Variants in NRL observed in about 807,000 individuals in gnomAD.
NRL encodes the protein neural retina-specific leucine zipper protein.
In NRL, 16 loss-of-function variants were observed where a neutral mutation model predicts 12.5. The ratio of observed to expected loss-of-function variants is 1.28; its 90% confidence interval spans 0.87 to 1.95. NRL has a LOEUF of 1.95. NRL is among the 30% of genes most tolerant of loss of function. The probability of loss-of-function intolerance (pLI) is 0.00; values close to 1 mark genes in which losing one functional copy is unlikely to be tolerated. For synonymous variants in NRL, 142 were observed against 150.9 expected (o/e 0.94, Z 0.43); for missense variants, 314 against 325.8 (o/e 0.96, Z 0.28).
chr14:24,097,221 C>T, intron 1 of NRL: 1 of 1,254,580 alleles, frequency 8.0e-7, no homozygotes. Context: ...TTAACTAGAA[C>T]ATCCCAATGG....
At chr14:24,106,135 G>A (rs981568130) in intron 1 of NRL, among the ~76,000 whole-genome samples, 2 of 152,174 alleles carry the variant, frequency 1.3e-5, no homozygotes, top group African/African-American at 2.4e-5. Flanking sequence ...GAGTAATCAG[G>A]AAAACAGTGC....
rs760600732 is a variant in NRL, at chr14:24,082,475, T to G, written c.374A>C (p.His125Pro). The G allele has an allele frequency of 5.6e-6, 9 of 1,612,542 alleles. No homozygotes were observed. The highest frequency in any genetic ancestry group is 7.6e-6 in the Non-Finnish European group (9 of 1,180,020). ...PGSPEETGAQ[H>P]VQLAERFSDA... The stretch of plus-strand genomic sequence containing the variant: ...AGCTTGCTGACCACTCACCTGGACG[T>G]GCTGGGCTCCTGTCTCCTCTGGGCT... Residue 125 changes from histidine (H) to proline (P), a missense_variant, in exon 2 of 3, where the codon CAC (histidine) becomes CCC (proline). Physicochemically the swap from His to Pro is moderately conservative, Grantham distance 77 (BLOSUM62 -2). Coordinates refer to ENST00000561028, the MANE Select transcript of NRL (RefSeq NM_001354768.3).
chr14:24,084,787 G>T, intron 1 of NRL: 2 of 851,214 alleles, frequency 2.3e-6, no homozygotes, highest in Non-Finnish European at 1.4e-6. Context: ...GTACAAGTGT[G>T]CTTATTCTCA....
rs201256212 is a variant in NRL, at chr14:24,082,747, G to A, written c.102C>T (p.Pro34=). The change falls in exon 2 of 3, where the codon CCC becomes CCT. Residue 34 remains proline, a synonymous_variant. Coordinates refer to ENST00000561028, the MANE Select transcript of NRL (RefSeq NM_001354768.3). The part of the protein sequence containing the change: ...KREPSEGRPG[P]PTASLGSTPY... ...GTGTGGAGCCCAGTGAGGCTGTAGG[G>A]GGGCCAGGTCGGCCCTCAGAGGGTT... 7.4e-6 allele frequency: 12 copies of A among 1,614,212 alleles called. No individual in the cohort carries two copies. The Middle Eastern group carries it at 1.2e-3, about 155-fold the overall frequency.
At chr14:24,082,338 C>A (rs937179831) in intron 2 of NRL, 130 bp downstream of exon 2, 7 of 1,140,626 alleles carry the variant, frequency 6.1e-6, no homozygotes, top group Admixed American at 6.1e-5. Context: ...TTTCAAGGGA[C>A]CTTCTCCCCT....
intron 1 of NRL, chr14:24,103,766 G>A: frequency 6.2e-7 from 1 of 1,614,188 alleles, no homozygotes; most frequent in Non-Finnish European, 8.5e-7. Context: ...CCATTGGGCT[G>A]GTGCCAAAGG....
At chr14:24,093,243 GCT>G (rs2036691440) in intron 1 of NRL, 1 of 152,296 alleles carries the variant, frequency 6.6e-6, no homozygotes, top group Non-Finnish European at 1.5e-5. Context: ...AGTTTGAGGT[GCT>G]ATATAGCATT....
intron 1 of NRL, among the ~76,000 whole-genome samples, chr14:24,088,882 G>A (rs111430967): frequency 0.022 from 3,172 of 144,360 alleles, 46 homozygotes; most frequent in East Asian, 0.069. Flanking sequence ...CTTGGCTGAC[G>A]GCAAGCTCCG....
At chr14:24,097,034 G>A in intron 1 of NRL, 1 of 1,613,462 alleles carries the variant, frequency 6.2e-7, no homozygotes, top group Non-Finnish European at 8.5e-7. Context: ...GTGCCAACCA[G>A]AGGGCATCCA....
chr14:24,081,904 G>A lies in NRL; in HGVS notation c.382-336C>T, dbSNP rs1310044157. 9 of 1,305,306 alleles carry A rather than the reference G, an allele frequency of 6.9e-6. No individual in the cohort carries two copies. The highest frequency in any genetic ancestry group is 3.8e-5 in the East Asian group (1 of 26,540). The allele number at this position is 1,305,306 out of a possible 1,614,324, so 80.9% of individuals were successfully genotyped here. A position where few individuals can be genotyped will look rare whatever the true frequency, so the allele number is the denominator to read the frequency against. On this transcript the variant is annotated intron_variant, in intron 2 of 2. Coordinates refer to ENST00000561028, the MANE Select transcript of NRL (RefSeq NM_001354768.3). This position sits in a 1 kb window ranked among gnomAD's most constrained non-coding sequence, Gnocchi z 4.4. ...AGGCCCGGGTGTGTCCAGTGGACCC[G>A]CACCCAGACAGCCCCCAACCCTCCA...
chr14:24,106,755 T>C (rs922945598), intron 1 of NRL, among the ~76,000 whole-genome samples: 3 of 151,554 alleles, frequency 2.0e-5, no homozygotes, highest in Non-Finnish European at 4.4e-5. Context: ...AATTTAAAAA[T>C]TTAAAAATAA....
At chr14:24,103,943 G>A (rs2037278788) in intron 1 of NRL, 1 of 1,613,744 alleles carries the variant, frequency 6.2e-7, no homozygotes, top group Non-Finnish European at 8.5e-7. Context: ...AGGCCCTGGA[G>A]AGACGTGTGC....
At position 24,094,811 on chromosome 14, in the gene NRL, G is replaced by A. The variant is rs1375043144; in HGVS notation, c.-27-11936C>T. ...ACGGGCTCTCAGCCAGCGCCCCAGG[G>A]TACTTCGAGAGGCAGCAGGGCCCTG... On this transcript the variant is annotated intron_variant, in intron 1 of 2. Coordinates refer to ENST00000561028, the MANE Select transcript of NRL (RefSeq NM_001354768.3). The surrounding 1 kb of genome is among the most constrained non-coding windows in gnomAD (Gnocchi z 4.1). 1.5e-6 allele frequency: 2 copies of A among 1,342,740 alleles called. No individual in the cohort carries two copies. Among genetic ancestry groups the A allele is most frequent in the Admixed American group, 4.4e-5 (2 of 44,998 alleles). The allele number at this position is 1,342,740 out of a possible 1,614,324, so 83.2% of individuals were successfully genotyped here. A position where few individuals can be genotyped will look rare whatever the true frequency, so the allele number is the denominator to read the frequency against.
At chr14:24,099,771 G>C in intron 1 of NRL, 2 of 1,557,702 alleles carry the variant, frequency 1.3e-6, no homozygotes, top group Non-Finnish European at 1.8e-6. Context: ...TCAGAGCCTC[G>C]GGGTCTCCTC....
intron 1 of NRL, chr14:24,099,332 C>T (rs1406309107): frequency 4.0e-6 from 5 of 1,255,028 alleles, no homozygotes; most frequent in South Asian, 2.8e-5. Context: ...CTGCCAGGTG[C>T]CAGGCTGGTG....
chr14:24,098,342 G>A (rs2036991173), intron 1 of NRL: 2 of 1,613,712 alleles, frequency 1.2e-6, no homozygotes, highest in East Asian at 4.5e-5. Context: ...GTCCCCAGCT[G>A]ATTTCCAGCG....
chr14:24,094,915 G>C lies in NRL; in HGVS notation c.-27-12040C>G. 8.6e-7 allele frequency: 1 copy of C among 1,161,330 alleles called. No individual in the cohort carries two copies. Among genetic ancestry groups the C allele is most frequent in the Non-Finnish European group, 1.1e-6 (1 of 874,552 alleles). The allele number at this position is 1,161,330 out of a possible 1,614,324, so 71.9% of individuals were successfully genotyped here. ...GTGGAAGGTTAAATATCCATTCCCG[G>C]CCTCTCCCGGACTGGAAGGACTGGA... On this transcript the variant is annotated intron_variant, in intron 1 of 2. Coordinates refer to ENST00000561028, the MANE Select transcript of NRL (RefSeq NM_001354768.3). The surrounding 1 kb of genome is among the most constrained non-coding windows in gnomAD (Gnocchi z 4.1).
chr14:24,094,152 AGGG>A lies in NRL; in HGVS notation c.-27-11280_-27-11278del. ...GAGATGGGTTTGGCGGTTTGGAGGC[AGGG>A]GTTGGGGCGGCGGCTGGGCTGACCT... On this transcript the variant is annotated intron_variant, in intron 1 of 2. Transcript: ENST00000561028. This position sits in a 1 kb window ranked among gnomAD's most constrained non-coding sequence, Gnocchi z 4.1. The A allele has an allele frequency of 1.8e-6, 1 of 544,364 alleles. No homozygotes were observed. The highest frequency in any genetic ancestry group is 3.9e-5 in the Admixed American group (1 of 25,618). The allele number at this position is 544,364 out of a possible 1,614,324, so 33.7% of individuals were successfully genotyped here.
chr14:24,096,025 TG>T, intron 1 of NRL, among the ~76,000 whole-genome samples: 1 of 152,186 alleles, frequency 6.6e-6, no homozygotes, highest in Non-Finnish European at 1.5e-5. Flanking sequence ...CTGGAAAGAC[TG>T]TGACCTTTGC....
Sources: gnomAD v4.1 joint callset for allele counts (sites outside exome capture counted in the v4.1 genomes callset) on GRCh38, gnomAD v4.1.1 for gene constraint, Gnocchi (gnomAD v3.1) non-coding constraint, MANE v1.5 for transcripts, NCBI Gene and HGNC (gene_info 2026-07-23, HGNC 2026-07-21) for gene names.